MAP1LC3B: variants seen among roughly 807,000 people sequenced by gnomAD.
MAP1LC3B encodes the protein microtubule associated protein 1 light chain 3 beta.
A neutral mutation model predicts 16.7 loss-of-function variants in MAP1LC3B; 12 were observed. The observed-to-expected ratio is 0.72, with a 90% CI of 0.46 to 1.16. The LOEUF (loss-of-function observed/expected upper bound fraction) is 1.16, where lower values mean the gene tolerates loss of function less well. MAP1LC3B is among the 50% of genes most tolerant of loss of function. MAP1LC3B has a pLI of 0.00. For synonymous variants in MAP1LC3B, 63 were observed against 56.5 expected, an observed-to-expected ratio of 1.11 and a Z score of -0.51; for missense variants, 155 against 159.5, an observed-to-expected ratio of 0.97 and a Z score of 0.15.
chr16:87,401,112 G>A (rs40068), intron 2 of MAP1LC3B, among the ~76,000 whole-genome samples: 6 of 135,200 alleles, frequency 4.4e-5, no homozygotes, highest in South Asian at 2.5e-4. Flanking sequence ...CAGCCTGGGC[G>A]ACAGAGCAAG....
chr16:87,402,362 G>C, intron 3 of MAP1LC3B, 81 bp downstream of exon 3: 2 of 1,310,974 alleles, frequency 1.5e-6, no homozygotes, highest in Non-Finnish European at 2.1e-6. Context: ...TAAATCTTTA[G>C]TTCTGGTTAA....
chr16:87,393,043 C>A (rs1336755783), intron 1 of MAP1LC3B: 4 of 152,276 alleles, frequency 2.6e-5, no homozygotes, highest in Non-Finnish European at 5.9e-5. Flanking sequence ...TGGGCCCCGG[C>A]CTCGCCGCGC....
chr16:87,400,419 T>C (rs1008462584), intron 2 of MAP1LC3B: 1 of 151,970 alleles, frequency 6.6e-6, no homozygotes. Context: ...GACCTCATGA[T>C]CTGCCTGCCT....
At chr16:87,402,342 AACTT>A (rs1405365281) in intron 3 of MAP1LC3B, 61 bp downstream of exon 3, 3 of 1,463,810 alleles carry the variant, frequency 2.0e-6, no homozygotes, top group Admixed American at 2.0e-5. Context: ...TTCTTTATGA[AACTT>A]ACAGTTAAAT....
intron 1 of MAP1LC3B, among the ~76,000 whole-genome samples, chr16:87,395,465 G>C (rs924885674): frequency 6.6e-6 from 1 of 152,230 alleles, no homozygotes; most frequent in Admixed American, 6.5e-5. Flanking sequence ...GAAACAGGGA[G>C]TAAAAGACTT....
chr16:87,402,096 A>T, intron 2 of MAP1LC3B, 79 bp from the exon 3 acceptor site: 1 of 1,458,828 alleles, frequency 6.9e-7, no homozygotes, highest in Non-Finnish European at 9.5e-7. Flanking sequence ...CGGCCTCCCA[A>T]AATGCTGGGG....
At chr16:87,399,098 T>G (rs897153002) in intron 2 of MAP1LC3B, 3 of 524,780 alleles carry the variant, frequency 5.7e-6, no homozygotes, top group Admixed American at 6.8e-5. Flanking sequence ...CTCAGCCACC[T>G]TGTGCTCAAG....
Position 87,404,037 on chromosome 16 carries a change from T to A in MAP1LC3B, c.*940T>A, listed in dbSNP as rs529349060. 2 of 152,344 alleles carry A rather than the reference T, an allele frequency of 1.3e-5. No homozygotes were observed. Among genetic ancestry groups the A allele is most frequent in the African/African-American group, 4.8e-5 (2 of 41,586 alleles). 9.4% of individuals were successfully genotyped at this position (152,344 alleles called of 1,614,324 possible). On this transcript the variant is annotated 3_prime_UTR_variant, in exon 4 of 4. Coordinates refer to ENST00000268607, the MANE Select transcript of MAP1LC3B (RefSeq NM_022818.5). The stretch of plus-strand genomic sequence containing the variant: ...TGGATGATCCACGTTTTTGTTTTTT[T>A]AATGTTAAATGTGTAACTCAGTATT...
chr16:87,402,936 C>T lies in MAP1LC3B; in HGVS notation c.217C>T (p.Leu73Phe). Residue 73 changes from leucine (L) to phenylalanine (F), a missense_variant, in exon 4 of 4, where the codon CTC (leucine) becomes TTC (phenylalanine). Physicochemically the swap from Leu to Phe is conservative, Grantham distance 22 (BLOSUM62 0). Transcript: ENST00000268607. ...TTCTTTCAATAGAAGGCGCTTACAG[C>T]TCAATGCTAATCAGGCCTTCTTCCT... is the stretch of plus-strand genomic sequence containing the variant. The part of the protein sequence containing the change: ...LIKIIRRRLQ[L>F]NANQAFFLLV... 1.2e-6 allele frequency: 2 copies of T among 1,613,910 alleles called. No homozygotes were observed. Among genetic ancestry groups the T allele is most frequent in the Non-Finnish European group, 1.7e-6 (2 of 1,179,866 alleles).
rs1305100941 is a variant in MAP1LC3B, at chr16:87,404,682, C to T, written c.*1585C>T. 1 of 152,094 alleles carries T rather than the reference C, an allele frequency of 6.6e-6. No homozygotes were observed. Among genetic ancestry groups the T allele is most frequent in the Non-Finnish European group, 1.5e-5 (1 of 68,028 alleles). 9.4% of individuals were successfully genotyped at this position (152,094 alleles called of 1,614,324 possible). ...AAAAAAATAACATGCTGAGGGGTGA[C>T]CTATATCCCATGTGAGTGGTCACTT... On this transcript the variant is annotated 3_prime_UTR_variant, in exon 4 of 4. Coordinates refer to ENST00000268607, the MANE Select transcript of MAP1LC3B (RefSeq NM_022818.5).
chr16:87,393,740 T>C (rs1907695523), intron 1 of MAP1LC3B, among the ~76,000 whole-genome samples: 1 of 151,968 alleles, frequency 6.6e-6, no homozygotes, highest in South Asian at 2.1e-4. Flanking sequence ...AAGACAGATT[T>C]TCTTTTCTTT....
At position 87,401,380 on chromosome 16, in the gene MAP1LC3B, T is replaced by C. The variant is rs78415311; in HGVS notation, c.97-795T>C. ...GGCAGACATATTGTCTCTCTTGTAC[T>C]ATATTTTGTAAGGGGTAGATGTCTA... On this transcript the variant is annotated intron_variant, in intron 2 of 3. Coordinates refer to ENST00000268607, the MANE Select transcript of MAP1LC3B (RefSeq NM_022818.5). Among the ~76,000 whole-genome samples the C allele has an allele frequency of 2.0e-3, 299 of 152,336 alleles. 1 individual carries two copies. Among genetic ancestry groups the C allele is most frequent in the African/African-American group, 6.8e-3 (281 of 41,570 alleles).
At chr16:87,395,566 G>C (rs1489871676) in intron 1 of MAP1LC3B, among the ~76,000 whole-genome samples, 1 of 152,228 alleles carries the variant, frequency 6.6e-6, no homozygotes, top group Admixed American at 6.5e-5. Context: ...TGAAGAATGA[G>C]AGTGGAGCAT....
At chr16:87,392,571 G>A (rs1203289605) in intron 1 of MAP1LC3B, 104 bp downstream of exon 1, 2 of 1,082,688 alleles carry the variant, frequency 1.8e-6, no homozygotes, top group Non-Finnish European at 2.3e-6. Context: ...GAGCCGGGAG[G>A]CCGAGCGGGG....
intron 2 of MAP1LC3B, among the ~76,000 whole-genome samples, chr16:87,401,070 TTGCAGTGAGCCAAGATCG>T (rs1907976199): frequency 7.1e-6 from 1 of 141,200 alleles, no homozygotes; most frequent in South Asian, 2.4e-4. Context: ...GAGTCGGAGG[TTGCAGTGAGCCAAGATCG>T]TGCCACTGCA....
At position 87,404,047 on chromosome 16, in the gene MAP1LC3B, T is replaced by C. The variant is rs1908089068; in HGVS notation, c.*950T>C. 6.6e-6 allele frequency: 1 copy of C among 152,194 alleles called. No homozygotes were observed. Among genetic ancestry groups the C allele is most frequent in the Admixed American group, 6.5e-5 (1 of 15,280 alleles). The allele number at this position is 152,194 out of a possible 1,614,324, so 9.4% of individuals were successfully genotyped here. A position where few individuals can be genotyped will look rare whatever the true frequency, so the allele number is the denominator to read the frequency against. ...ACGTTTTTGTTTTTTTAATGTTAAA[T>C]GTGTAACTCAGTATTACTGAAAAGG... On this transcript the variant is annotated 3_prime_UTR_variant, in exon 4 of 4. Coordinates refer to ENST00000268607, the MANE Select transcript of MAP1LC3B (RefSeq NM_022818.5).
intron 1 of MAP1LC3B, among the ~76,000 whole-genome samples, chr16:87,394,762 T>C (rs773555127): frequency 1.3e-5 from 2 of 152,192 alleles, no homozygotes; most frequent in South Asian, 4.1e-4. Flanking sequence ...GTGTTGGAAA[T>C]ATTGAATGAA....
chr16:87,398,776 G>A, intron 1 of MAP1LC3B, 39 bp from the exon 2 acceptor site: 1 of 1,597,344 alleles, frequency 6.3e-7, no homozygotes, highest in Non-Finnish European at 8.6e-7. Flanking sequence ...GAAGCTGCCT[G>A]GCCCTTAGTA....
intron 2 of MAP1LC3B, chr16:87,399,605 G>A (rs1414813126): frequency 2.2e-6 from 1 of 455,190 alleles, no homozygotes; most frequent in South Asian, 1.6e-5. Flanking sequence ...CAGGGTGGAA[G>A]AATTACTGTA....
Sources: allele counts gnomAD v4.1 joint callset (sites outside exome capture counted in the v4.1 genomes callset), GRCh38; gene constraint gnomAD v4.1.1; transcripts MANE v1.5; gene names NCBI Gene and HGNC (gene_info 2026-07-23, HGNC 2026-07-21).